C8B: variants seen among roughly 807,000 people sequenced by gnomAD.
C8B encodes complement component C8 beta chain.
Under a neutral mutation model 64.6 loss-of-function variants are expected in C8B, and 67 were observed. That is an observed-to-expected ratio of 1.04 (90% confidence interval 0.85 to 1.27). The LOEUF is 1.27. C8B is among the 50% of genes most tolerant of loss of function. C8B has a pLI of 0.00. For synonymous variants in C8B, 284 were observed against 257.7 expected, an observed-to-expected ratio of 1.10 and a Z score of -0.98; for missense variants, 790 against 725.2, an observed-to-expected ratio of 1.09 and a Z score of -1.03.
At chr1:56,963,922 C>A in intron 1 of C8B, 1 of 985,306 alleles carries the variant, frequency 1.0e-6, no homozygotes, top group Non-Finnish European at 1.2e-6. Flanking sequence ...TTGGCCAATA[C>A]GAAGGTGGTC....
At position 56,945,913 on chromosome 1, in the gene C8B, C is replaced by T. The variant is rs762755903; in HGVS notation, c.1013G>A (p.Arg338His). The T allele has an allele frequency of 1.5e-5, 24 of 1,614,100 alleles. 1 individual carries two copies. Among genetic ancestry groups the T allele is most frequent in the East Asian group, 6.7e-5 (3 of 44,860 alleles). The part of the protein sequence containing the change: ...YSYGEYRDLF[R>H]DFGTHYITEA... ...TGTGATGTAGTGGGTCCCAAAATCA[C>T]GGAAGAGATCTCTGTATTCCCCGTA... The change falls in exon 7 of 12, where the codon CGT becomes CAT. Residue 338 changes from arginine (R) to histidine (H), a missense_variant. Physicochemically the swap from Arg to His is conservative, Grantham distance 29 (BLOSUM62 0). Transcript: ENST00000371237.
chr1:56,952,066 C>G lies in C8B; in HGVS notation c.648G>C (p.Val216=), dbSNP rs1191310084. 4 of 1,614,014 alleles carry G rather than the reference C, an allele frequency of 2.5e-6. No homozygotes were observed. In the East Asian group the frequency reaches 8.9e-5, roughly 36 times the overall value. The stretch of plus-strand genomic sequence containing the variant: ...CTCTTACCTGTGGCGTGTAGCTTTC[C>G]ACATTGTAGGGCTTCCTAAACCTCG... ...LNTRFRKPYN[V]ESYTPQTQGK... The change falls in exon 5 of 12, where the codon GTG becomes GTC. Residue 216 remains valine, a synonymous_variant. Transcript: ENST00000371237.
chr1:56,937,324 G>A (rs1195565440), intron 9 of C8B, among the ~76,000 whole-genome samples: 1 of 152,190 alleles, frequency 6.6e-6, no homozygotes, highest in African/African-American at 2.4e-5. Flanking sequence ...GGATCTGTGA[G>A]CAACTACATT....
intron 11 of C8B, chr1:56,931,545 A>G (rs1644701029): frequency 9.7e-6 from 4 of 411,604 alleles, no homozygotes; most frequent in Non-Finnish European, 1.9e-5. Flanking sequence ...GCATTCCAGA[A>G]TGATCCAAAG....
Position 56,952,161 on chromosome 1 carries a change from T to A in C8B, c.553A>T (p.Ser185Cys). Residue 185 changes from serine to cysteine, a missense_variant, in exon 5 of 12, where the codon AGT (serine) becomes TGT (cysteine). Coordinates refer to ENST00000371237, the MANE Select transcript of C8B (RefSeq NM_000066.4). ...LASGINLFTN[S>C]FEGPVLDHRY... ...TGATCAAGAACTGGGCCCTCAAAACTGTTTGTGAACAAATTTATCCTGTGA... is the reference window on the plus strand; with the variant it reads ...TGATCAAGAACTGGGCCCTCAAAACAGTTTGTGAACAAATTTATCCTGTGA... 1 of 1,614,192 alleles carries A rather than the reference T, an allele frequency of 6.2e-7. No homozygotes were observed. Among genetic ancestry groups the A allele is most frequent in the South Asian group, 1.1e-5 (1 of 91,084 alleles).
Position 56,933,497 on chromosome 1 carries a change from G to C in C8B, c.1399-9C>G. 1.2e-6 allele frequency: 2 copies of C among 1,612,366 alleles called. No homozygotes were observed. The highest frequency in any genetic ancestry group is 2.2e-5 in the South Asian group (2 of 91,040). ...TCATACAGAGGCTCCACCTGGAAAG[G>C]GAAAAGGGCATTTATTTCAAGAGAA... On this transcript the variant is annotated splice_polypyrimidine_tract_variant and intron_variant, in intron 9 of 11. Transcript: ENST00000371237.
At chr1:56,931,735 C>T (rs1644703907) in intron 11 of C8B, 75 bp downstream of exon 11, 2 of 1,007,874 alleles carry the variant, frequency 2.0e-6, no homozygotes, top group Admixed American at 1.8e-5. Context: ...CCCCACACTC[C>T]ACACCAGCTC....
In C8B at chr1:56,940,761, T is replaced by A; in HGVS notation, c.1398+88A>T. The A allele has an allele frequency of 2.0e-6, 3 of 1,473,638 alleles. No homozygotes were observed. In the South Asian group the frequency reaches 3.4e-5, roughly 17 times the overall value. 91.3% of individuals were successfully genotyped at this position (1,473,638 alleles called of 1,614,324 possible). On this transcript the variant is annotated intron_variant, in intron 9 of 11. Coordinates refer to ENST00000371237, the MANE Select transcript of C8B (RefSeq NM_000066.4). ...AAAATTAGGGCCTGGGTCTTAGTGA[T>A]CTCTGCATTTTATACCTTGGCTCAT...
chr1:56,932,578 C>T (rs1459764607), intron 10 of C8B, among the ~76,000 whole-genome samples: 2 of 152,182 alleles, frequency 1.3e-5, no homozygotes, highest in South Asian at 2.1e-4. Context: ...CTAACCCTCA[C>T]ATAGGGGTCC....
chr1:56,943,618 A>G lies in C8B; in HGVS notation c.1234+78T>C, dbSNP rs902437870. 11 of 1,540,350 alleles carry G rather than the reference A, an allele frequency of 7.1e-6. No individual in the cohort carries two copies. The African/African-American group carries it at 1.4e-4, about 19-fold the overall frequency. On this transcript the variant is annotated intron_variant, in intron 8 of 11. Coordinates refer to ENST00000371237, the MANE Select transcript of C8B (RefSeq NM_000066.4). ...GGGATAGTATTTGTCTCAAAAAGGG[A>G]GGGAGGTGTTGTAATCACCAGAGGC...
At chr1:56,964,709 T>C (rs1333660178) in intron 1 of C8B, among the ~76,000 whole-genome samples, 1 of 152,208 alleles carries the variant, frequency 6.6e-6, no homozygotes, top group African/African-American at 2.4e-5. Context: ...TATGCTCACA[T>C]GTTGGCATTC....
rs563231910 is a variant in C8B, at chr1:56,964,532, C to A, written c.92+1325G>T. 1.9e-4 allele frequency among the ~76,000 whole-genome samples: 29 copies of A among 152,294 alleles called. No individual in the cohort carries two copies. In the South Asian group the frequency reaches 2.5e-3, roughly 13 times the overall value. On this transcript the variant is annotated intron_variant, in intron 1 of 11. Coordinates refer to ENST00000371237, the MANE Select transcript of C8B (RefSeq NM_000066.4). ...TGTGCTGCTCCCTCTACCTGGCACA[C>A]CTTTCAACCCCTTAGCCATTCGGCA... is the stretch of plus-strand genomic sequence containing the variant.
At chr1:56,945,028 G>C (rs1644920891) in intron 7 of C8B, among the ~76,000 whole-genome samples, 1 of 152,180 alleles carries the variant, frequency 6.6e-6, no homozygotes, top group African/African-American at 2.4e-5. Flanking sequence ...TTACTTTGGA[G>C]ACCACAGTGA....
At chr1:56,937,848 A>G (rs920650912) in intron 9 of C8B, among the ~76,000 whole-genome samples, 1 of 152,094 alleles carries the variant, frequency 6.6e-6, no homozygotes, top group Admixed American at 6.6e-5. Flanking sequence ...GGAATTCTTC[A>G]CCCATTAATG....
chr1:56,949,021 GAGA>G (rs1222356323), intron 6 of C8B, among the ~76,000 whole-genome samples: 3 of 141,988 alleles, frequency 2.1e-5, no homozygotes, highest in Non-Finnish European at 1.6e-5. Flanking sequence ...TTTTTTTTTT[GAGA>G]AGATTTCAAG....
chr1:56,956,641 G>C, intron 3 of C8B, 128 bp downstream of exon 3: 1 of 922,720 alleles, frequency 1.1e-6, no homozygotes, highest in Non-Finnish European at 1.8e-6. Context: ...AGAGATTTTA[G>C]GACAAGGAGG....
At position 56,952,103 on chromosome 1, in the gene C8B, T is replaced by C; in HGVS notation, c.611A>G (p.Tyr204Cys). The C allele has an allele frequency of 6.2e-7, 1 of 1,614,170 alleles. No individual in the cohort carries two copies. Among genetic ancestry groups the C allele is most frequent in the Non-Finnish European group, 8.5e-7 (1 of 1,180,008 alleles). Residue 204 changes from tyrosine (Y) to cysteine (C), a missense_variant, in exon 5 of 12, where the codon TAC becomes TGC. Physicochemically the swap from Tyr to Cys is radical, Grantham distance 194. Transcript: ENST00000371237. ...CTTCCTAAACCTCGTGTTCAGGATG[T>C]AATGCGGGGAGCATCCACCTGCATA... ...RYYAGGCSPH[Y>C]ILNTRFRKPY...
intron 1 of C8B, among the ~76,000 whole-genome samples, chr1:56,965,075 G>A (rs900121039): frequency 2.6e-5 from 4 of 152,200 alleles, no homozygotes; most frequent in Admixed American, 6.5e-5. Context: ...CACATAAAGT[G>A]AAAGGTTTGT....
intron 3 of C8B, among the ~76,000 whole-genome samples, chr1:56,955,843 T>C (rs1207959513): frequency 6.6e-6 from 1 of 152,224 alleles, no homozygotes; most frequent in Non-Finnish European, 1.5e-5. Context: ...TGTAGAGAAT[T>C]GCAACTTCCA....
Sources: gnomAD v4.1 joint callset for allele counts (sites outside exome capture counted in the v4.1 genomes callset) on GRCh38, gnomAD v4.1.1 for gene constraint, MANE v1.5 for transcripts, NCBI Gene and HGNC (gene_info 2026-07-23, HGNC 2026-07-21) for gene names.